Variants in WDR70 observed in about 807,000 individuals in gnomAD.
WDR70 encodes WD repeat domain 70.
Under a neutral mutation model 88.6 loss-of-function variants are expected in WDR70, and 53 were observed. That is an observed-to-expected ratio of 0.60 (90% CI 0.48 to 0.75). The LOEUF (loss-of-function observed/expected upper bound fraction) is 0.75. WDR70 is among the 30% of genes least tolerant of loss of function. The pLI is 0.00. For synonymous variants in WDR70, 280 were observed against 270.0 expected (o/e 1.04, Z -0.36); for missense variants, 610 against 823.2 (o/e 0.74, Z 3.17).
chr5:37,412,376 A>C (rs1446328962), intron 5 of WDR70, among the ~76,000 whole-genome samples: 3 of 152,158 alleles, frequency 2.0e-5, no homozygotes, highest in Non-Finnish European at 4.4e-5. Context: ...GACAAGAGTG[A>C]GACTCCATCT....
At chr5:37,716,111 G>C (rs1362509953) in intron 13 of WDR70, among the ~76,000 whole-genome samples, 2 of 152,106 alleles carry the variant, frequency 1.3e-5, no homozygotes, top group Non-Finnish European at 2.9e-5. Flanking sequence ...ATCCATTCTT[G>C]TACTATATGA....
chr5:37,478,673 A>AT (rs1739560616), intron 7 of WDR70, among the ~76,000 whole-genome samples: 2 of 152,156 alleles, frequency 1.3e-5, no homozygotes, highest in Admixed American at 1.3e-4. Flanking sequence ...CCTCTGAGAT[A>AT]TTTCAGGAAT....
intron 9 of WDR70, among the ~76,000 whole-genome samples, chr5:37,593,994 G>A (rs548127015): frequency 6.2e-4 from 95 of 152,164 alleles, no homozygotes; most frequent in African/African-American, 1.7e-3. Flanking sequence ...CTTTTTGATG[G>A]TGTTGTTTTT....
chr5:37,418,265 T>C (rs989250511), intron 5 of WDR70, among the ~76,000 whole-genome samples: 3 of 152,330 alleles, frequency 2.0e-5, no homozygotes, highest in Admixed American at 1.3e-4. Context: ...AAATTTTAAT[T>C]TTATTTTAAG....
At chr5:37,520,877 A>G (rs1362935291) in intron 9 of WDR70, among the ~76,000 whole-genome samples, 1 of 152,238 alleles carries the variant, frequency 6.6e-6, no homozygotes, top group Admixed American at 6.5e-5. Flanking sequence ...AGACAGTCCC[A>G]TAACTACTTT....
intron 17 of WDR70, 120 bp downstream of exon 17, chr5:37,727,165 A>T: frequency 8.1e-7 from 1 of 1,227,362 alleles, no homozygotes; most frequent in Non-Finnish European, 1.1e-6. Flanking sequence ...AGATATGAAA[A>T]ATAGGCCAGG....
chr5:37,479,838 C>T lies in WDR70; in HGVS notation c.691C>T (p.Gln231Ter). Residue 231 changes from glutamine (Q) to a stop codon, truncating the protein, a stop_gained, in exon 8 of 18, where the codon CAG becomes TAG. Transcript: ENST00000265107. LOFTEE classifies it high-confidence loss of function. ...FRSLQPCECH[Q>*]IKSLQYSNTG... is the part of the protein sequence containing the mutation. ...TTTCCTTTTCTTTTCGTACAGCCAT[C>T]AGATCAAGTCATTACAGTATAGTAA... is the stretch of plus-strand genomic sequence containing the variant. The T allele has an allele frequency of 6.2e-7, 1 of 1,608,944 alleles. No homozygotes were observed. Among genetic ancestry groups the T allele is most frequent in the Non-Finnish European group, 8.5e-7 (1 of 1,178,218 alleles).
intron 10 of WDR70, among the ~76,000 whole-genome samples, chr5:37,641,488 C>G (rs932096682): frequency 6.9e-6 from 1 of 145,552 alleles, no homozygotes; most frequent in Non-Finnish European, 1.5e-5. Context: ...GTGATCTTGG[C>G]TCACTGCAAC....
Position 37,413,187 on chromosome 5 carries a change from G to A in WDR70, c.492+16617G>A, listed in dbSNP as rs143671127. Among the ~76,000 whole-genome samples, 1,227 of 152,240 alleles carry A rather than the reference G, an allele frequency of 8.1e-3. 13 individuals carry two copies. Among genetic ancestry groups the A allele is most frequent in the African/African-American group, 0.028 (1,165 of 41,530 alleles). On this transcript the variant is annotated intron_variant, in intron 5 of 17. Transcript: ENST00000265107. ...CTTAGGGTTTCGAAACTGCTAATGT[G>A]TGAAAATGGGCACTAGGGGGCAATA... is the stretch of plus-strand genomic sequence containing the variant.
chr5:37,530,411 T>C (rs1741445494), intron 9 of WDR70, among the ~76,000 whole-genome samples: 1 of 152,104 alleles, frequency 6.6e-6, no homozygotes, highest in Admixed American at 6.6e-5. Context: ...TGATAGAATT[T>C]AGCTGTGAAT....
At chr5:37,742,396 T>C (rs1748510625) in intron 17 of WDR70, among the ~76,000 whole-genome samples, 1 of 152,152 alleles carries the variant, frequency 6.6e-6, no homozygotes, top group African/African-American at 2.4e-5. Context: ...TTGTATATCT[T>C]TGGAGAAGTG....
chr5:37,504,439 G>A (rs572604238), intron 8 of WDR70, among the ~76,000 whole-genome samples: 3 of 152,210 alleles, frequency 2.0e-5, no homozygotes, highest in African/African-American at 7.2e-5. Flanking sequence ...AGCTTTTACA[G>A]ATCCTTCTGC....
intron 7 of WDR70, among the ~76,000 whole-genome samples, chr5:37,452,672 GTAT>G (rs1247083692): frequency 2.6e-5 from 4 of 152,184 alleles, no homozygotes; most frequent in African/African-American, 7.2e-5. Flanking sequence ...TCACTGATCT[GTAT>G]TATTCCTATA....
intron 9 of WDR70, among the ~76,000 whole-genome samples, chr5:37,566,577 A>C (rs10050930): frequency 0.075 from 11,439 of 152,202 alleles, 691 homozygotes; most frequent in African/African-American, 0.17. Flanking sequence ...TAAACTTTGC[A>C]ATTTTTCTCA....
intron 13 of WDR70, among the ~76,000 whole-genome samples, chr5:37,715,005 C>G (rs1422098514): frequency 6.6e-6 from 1 of 152,152 alleles, no homozygotes; most frequent in Admixed American, 6.5e-5. Context: ...CCAAGGATGA[C>G]TACCAGGTTC....
chr5:37,588,989 T>C (rs1285781994), intron 9 of WDR70, among the ~76,000 whole-genome samples: 1 of 152,006 alleles, frequency 6.6e-6, no homozygotes, highest in African/African-American at 2.4e-5. Flanking sequence ...AGTCTCGAAC[T>C]CCTGACCTTG....
chr5:37,391,094 T>C (rs78290434), intron 3 of WDR70, among the ~76,000 whole-genome samples: 2,027 of 152,320 alleles, frequency 0.013, 42 homozygotes, highest in African/African-American at 0.046. Context: ...TTTTAAAAAA[T>C]ATATCACCAT....
rs564887483 is a variant in WDR70 at position 37,743,691 on chromosome 5, A to G, written c.1878-8795A>G. 4.3e-4 allele frequency among the ~76,000 whole-genome samples: 65 copies of G among 152,206 alleles called. 1 individual carries two copies. Among genetic ancestry groups the G allele is most frequent in the African/African-American group, 1.4e-3 (60 of 41,554 alleles). On this transcript the variant is annotated intron_variant, in intron 17 of 17. Coordinates refer to ENST00000265107, the MANE Select transcript of WDR70 (RefSeq NM_018034.4). Reference sequence around the variant, plus strand: ...GCCTCTTCAGGTCTAACCCTGACCTATTCTTCCTCAGTGGTCATGGCTTCC... The same window carrying G: ...GCCTCTTCAGGTCTAACCCTGACCTGTTCTTCCTCAGTGGTCATGGCTTCC...
chr5:37,630,190 G>T (rs1217580500), intron 10 of WDR70, among the ~76,000 whole-genome samples: 2 of 152,138 alleles, frequency 1.3e-5, no homozygotes, highest in African/African-American at 4.8e-5. Context: ...TTGGAGTCTG[G>T]CTCACTGGGG....
Sources: allele counts gnomAD v4.1 joint callset (sites outside exome capture counted in the v4.1 genomes callset), GRCh38; gene constraint gnomAD v4.1.1; transcripts MANE v1.5; gene names NCBI Gene and HGNC (gene_info 2026-07-23, HGNC 2026-07-21).